The following GNAQ variants were observed in gnomAD, a reference collection of about 807,000 sequenced individuals.
The protein encoded by GNAQ is G protein subunit alpha q, also known as guanine nucleotide-binding protein G(q) subunit alpha.
In GNAQ, 8 loss-of-function variants were observed where a neutral mutation model predicts 43.9. The observed-to-expected ratio is 0.18, with a 90% confidence interval of 0.11 to 0.33. The LOEUF (loss-of-function observed/expected upper bound fraction) is 0.33. Ranked by LOEUF, GNAQ falls within the 10% of genes least tolerant of loss-of-function variation. The pLI, the probability that GNAQ is intolerant of heterozygous loss-of-function variation, is 1.00. For synonymous variants in GNAQ, 155 were observed against 170.7 expected (o/e 0.91, Z 0.71); for missense variants, 158 against 450.8 (o/e 0.35, Z 5.88).
intron 6 of GNAQ, among the ~76,000 whole-genome samples, chr9:77,722,892 C>T (rs908419618): frequency 1.3e-5 from 2 of 152,198 alleles, no homozygotes; most frequent in African/African-American, 4.8e-5. Context: ...AGTCCTCCCA[C>T]TTCAGCCTCC....
chr9:77,744,872 G>A (rs975275286), intron 5 of GNAQ, among the ~76,000 whole-genome samples: 4 of 151,878 alleles, frequency 2.6e-5, no homozygotes, highest in South Asian at 2.1e-4. Flanking sequence ...TCTGTTCCCC[G>A]AGACCCCAAG....
Position 77,728,609 on chromosome 9 carries a change from T to C in GNAQ, c.794A>G (p.Gln265Arg). 1 of 1,599,400 alleles carries C rather than the reference T, an allele frequency of 6.3e-7. No individual in the cohort carries two copies. The highest frequency in any genetic ancestry group is 8.6e-7 in the Non-Finnish European group (1 of 1,166,920). The change falls in exon 6 of 7, where the codon CAG becomes CGG. Residue 265 changes from glutamine to arginine, a missense_variant. Coordinates refer to ENST00000286548, the MANE Select transcript of GNAQ (RefSeq NM_002072.5). ...TAAGAACAGAATAACCGAGGAGTTCTGGAACCAGGGGTATGTGATAATTGT... is the reference window on the plus strand; with the variant it reads ...TAAGAACAGAATAACCGAGGAGTTCCGGAACCAGGGGTATGTGATAATTGT... ...FRTIITYPWF[Q>R]NSSVILFLNK...
At chr9:77,805,343 C>T (rs181408639) in intron 3 of GNAQ, among the ~76,000 whole-genome samples, 89 of 152,188 alleles carry the variant, frequency 5.8e-4, no homozygotes, top group Middle Eastern at 3.4e-3. Context: ...ACCTGACATA[C>T]GTGTTAGAGT....
chr9:78,005,194 C>A (rs1243429917), intron 1 of GNAQ, among the ~76,000 whole-genome samples: 1 of 152,080 alleles, frequency 6.6e-6, no homozygotes, highest in African/African-American at 2.4e-5. Context: ...CACAGGTGGG[C>A]ACCACCACAC....
chr9:77,987,768 C>T (rs1319505115), intron 1 of GNAQ, among the ~76,000 whole-genome samples: 1 of 152,138 alleles, frequency 6.6e-6, no homozygotes, highest in African/African-American at 2.4e-5. Flanking sequence ...CAGTGGCATC[C>T]ACCTGCAGTC....
intron 2 of GNAQ, among the ~76,000 whole-genome samples, chr9:77,861,073 C>T (rs1342136375): frequency 6.6e-6 from 1 of 152,198 alleles, no homozygotes; most frequent in East Asian, 1.9e-4. Flanking sequence ...AACGGACTTA[C>T]AGTTCCATGT....
At chr9:77,818,639 T>C (rs778674833) in intron 2 of GNAQ, among the ~76,000 whole-genome samples, 5 of 152,144 alleles carry the variant, frequency 3.3e-5, no homozygotes, top group Admixed American at 6.5e-5. Context: ...AAAACTCACC[T>C]CAAATATTAC....
At chr9:77,728,102 C>G (rs895318553) in intron 6 of GNAQ, among the ~76,000 whole-genome samples, 1 of 152,000 alleles carries the variant, frequency 6.6e-6, no homozygotes, top group African/African-American at 2.4e-5. Flanking sequence ...TCAAGCAATT[C>G]TCCTGCCTCA....
chr9:77,762,233 CTTCCGGG>C (rs1826047925), intron 5 of GNAQ, among the ~76,000 whole-genome samples: 1 of 141,786 alleles, frequency 7.1e-6, no homozygotes, highest in Non-Finnish European at 1.6e-5. Flanking sequence ...CCAGCCGCCC[CTTCCGGG>C]AGGGAGGTTG....
At chr9:77,997,928 G>T (rs1263167278) in intron 1 of GNAQ, among the ~76,000 whole-genome samples, 1 of 152,200 alleles carries the variant, frequency 6.6e-6, no homozygotes, top group Non-Finnish European at 1.5e-5. Context: ...CACATCAGGT[G>T]CCTTGGGCCA....
At chr9:77,744,169 G>C (rs925146907) in intron 5 of GNAQ, among the ~76,000 whole-genome samples, 1 of 152,138 alleles carries the variant, frequency 6.6e-6, no homozygotes, top group African/African-American at 2.4e-5. Context: ...GTTTGGTTTT[G>C]TCTTGTGTTT....
At chr9:77,839,119 ATC>A (rs913400100) in intron 2 of GNAQ, among the ~76,000 whole-genome samples, 5 of 152,098 alleles carry the variant, frequency 3.3e-5, no homozygotes, top group Non-Finnish European at 7.4e-5. Flanking sequence ...CTCAGACTCC[ATC>A]TCTCTTATTC....
chr9:78,010,059 C>A (rs767869414), intron 1 of GNAQ, among the ~76,000 whole-genome samples: 5 of 152,100 alleles, frequency 3.3e-5, no homozygotes, highest in East Asian at 1.9e-4. Context: ...TAGAGTCACA[C>A]GAATGTCAGG....
rs138394233 is a variant in GNAQ at position 77,900,444 on chromosome 9, G to A, written c.321+21717C>T. ...ATGGAAAACTGTGGGATAACTATACGGAATCTCACTACCAGTAAGGCAGGC... is the reference window on the plus strand; with the variant it reads ...ATGGAAAACTGTGGGATAACTATACAGAATCTCACTACCAGTAAGGCAGGC... On this transcript the variant is annotated intron_variant, in intron 2 of 6. Coordinates refer to ENST00000286548, the MANE Select transcript of GNAQ (RefSeq NM_002072.5). Among the ~76,000 whole-genome samples the A allele has an allele frequency of 8.7e-3, 1,319 of 152,212 alleles. 17 individuals are homozygous for A. The highest frequency in any genetic ancestry group is 0.014 in the Non-Finnish European group (970 of 68,012).
At chr9:77,775,944 GAAAAGA>G (rs1033844387) in intron 5 of GNAQ, among the ~76,000 whole-genome samples, 5 of 151,870 alleles carry the variant, frequency 3.3e-5, no homozygotes, top group Non-Finnish European at 7.4e-5. Context: ...AAAAATAAAA[GAAAAGA>G]AAAAGAAAAA....
At position 77,922,290 on chromosome 9, in the gene GNAQ, C is replaced by A. The variant is rs762301165; in HGVS notation, c.192G>T (p.Gly64=). Residue 64 remains glycine, a synonymous_variant, in exon 2 of 7, where the codon GGG becomes GGT. Coordinates refer to ENST00000286548, the MANE Select transcript of GNAQ (RefSeq NM_002072.5). ...TTTTATCTTCATCAGAGTATCCTGA[C>A]CCATGGATGATTCTCATCTGCTTGA... is the stretch of plus-strand genomic sequence containing the variant. ...TFIKQMRIIH[G]SGYSDEDKRG... The A allele has an allele frequency of 6.2e-7, 1 of 1,612,954 alleles. No individual in the cohort carries two copies. Among genetic ancestry groups the A allele is most frequent in the Non-Finnish European group, 8.5e-7 (1 of 1,179,018 alleles).
At chr9:77,808,049 TAA>T (rs972485881) in intron 3 of GNAQ, among the ~76,000 whole-genome samples, 4 of 152,082 alleles carry the variant, frequency 2.6e-5, no homozygotes, top group Non-Finnish European at 5.9e-5. Flanking sequence ...TCATCCTGAG[TAA>T]AGACTGTGGA....
intron 5 of GNAQ, among the ~76,000 whole-genome samples, chr9:77,749,167 T>C (rs149379692): frequency 6.6e-6 from 1 of 152,336 alleles, no homozygotes; most frequent in East Asian, 1.9e-4. Context: ...TCCATAGTTT[T>C]GGCATTTTCT....
chr9:77,731,636 GCA>G (rs757979599), intron 5 of GNAQ, among the ~76,000 whole-genome samples: 8 of 152,194 alleles, frequency 5.3e-5, no homozygotes, highest in Non-Finnish European at 8.8e-5. Flanking sequence ...TGATTTGAAT[GCA>G]CACTCAACTT....
Sources: allele counts gnomAD v4.1 joint callset (sites outside exome capture counted in the v4.1 genomes callset), GRCh38; gene constraint gnomAD v4.1.1; transcripts MANE v1.5; gene names NCBI Gene and HGNC (gene_info 2026-07-23, HGNC 2026-07-21).